HTR2C: variants seen among roughly 807,000 people sequenced by gnomAD.
HTR2C encodes 5-hydroxytryptamine (serotonin) receptor 2C, G protein-coupled.
Under a neutral mutation model 21.0 loss-of-function variants are expected in HTR2C, and 5 were observed. That is an observed-to-expected ratio of 0.24 (90% CI 0.12 to 0.50). HTR2C has a LOEUF of 0.50. Ranked by LOEUF, HTR2C falls within the 20% of genes least tolerant of loss-of-function variation. The probability of loss-of-function intolerance (pLI) is 0.98; values close to 1 mark genes in which losing one functional copy is unlikely to be tolerated. For missense variants in HTR2C, 271 were observed against 371.2 expected (o/e 0.73, Z 2.22); for synonymous variants, 150 against 145.3 (o/e 1.03, Z -0.23).
chrX:114,869,848 G>C (rs1300106261), intron 5 of HTR2C, among the ~76,000 whole-genome samples: 2 of 111,392 alleles, frequency 1.8e-5, no homozygotes, highest in African/African-American at 6.5e-5. Context: ...TCTATCCCCA[G>C]TTTTTGAGGG....
At chrX:114,776,307 C>T in intron 4 of HTR2C, 5 of 673,346 alleles carry the variant, frequency 7.4e-6, no homozygotes, top group Non-Finnish European at 1.2e-5. Flanking sequence ...TCTTTGGTAG[C>T]CTGATGCTGA....
intron 2 of HTR2C, among the ~76,000 whole-genome samples, chrX:114,647,124 A>G (rs1930391703): frequency 9.0e-6 from 1 of 111,312 alleles, no homozygotes; most frequent in Non-Finnish European, 1.9e-5. Context: ...CGAAGAGTAA[A>G]AAGTTTCACC....
In HTR2C at chrX:114,764,678, G is replaced by A. The variant is rs782548458; in HGVS notation, c.349+33071G>A. Among the ~76,000 whole-genome samples the A allele has an allele frequency of 6.3e-5, 7 of 111,362 alleles. No individual in the cohort carries two copies. The East Asian group carries it at 2.0e-3, about 32-fold the overall frequency. On this transcript the variant is annotated intron_variant, in intron 4 of 5. Coordinates refer to ENST00000276198, the MANE Select transcript of HTR2C (RefSeq NM_000868.4). ...ACATAAAGAAAACAATGCACCAAAAGTTTAAATGCTATCAGTATTCTACTG... is the reference window on the plus strand; with the variant it reads ...ACATAAAGAAAACAATGCACCAAAAATTTAAATGCTATCAGTATTCTACTG...
At chrX:114,682,319 T>C (rs972915179) in intron 2 of HTR2C, among the ~76,000 whole-genome samples, 1 of 111,352 alleles carries the variant, frequency 9.0e-6, no homozygotes, top group African/African-American at 3.3e-5. Context: ...AAATTTGCCA[T>C]CTTCTGACAA....
intron 1 of HTR2C, among the ~76,000 whole-genome samples, chrX:114,598,688 C>T (rs186657177): frequency 9.0e-6 from 1 of 111,166 alleles, no homozygotes; most frequent in Admixed American, 9.6e-5. Flanking sequence ...GCCAAAAAGT[C>T]ATCCATTTTA....
chrX:114,849,061 G>T (rs2147489962), intron 5 of HTR2C, among the ~76,000 whole-genome samples: 1 of 111,355 alleles, frequency 9.0e-6, no homozygotes, highest in African/African-American at 3.3e-5. Flanking sequence ...TTGACTCTGG[G>T]TTTATTGATC....
chrX:114,722,565 G>A (rs1933264661), intron 2 of HTR2C, among the ~76,000 whole-genome samples: 1 of 109,906 alleles, frequency 9.1e-6, no homozygotes, highest in Non-Finnish European at 1.9e-5. Context: ...AATAGGAGTG[G>A]TGAGAGAGGG....
intron 4 of HTR2C, among the ~76,000 whole-genome samples, chrX:114,771,538 G>A (rs953065635): frequency 9.6e-6 from 1 of 103,945 alleles, no homozygotes; most frequent in African/African-American, 3.5e-5. Context: ...CTTCCTGCTC[G>A]AGTCCAGCAT....
At chrX:114,701,246 C>A (rs995797894) in intron 2 of HTR2C, among the ~76,000 whole-genome samples, 2 of 112,069 alleles carry the variant, frequency 1.8e-5, no homozygotes, top group South Asian at 3.7e-4. Flanking sequence ...TGAGAACGGG[C>A]AGACTGCCTC....
chrX:114,784,214 A>G (rs12850181), intron 4 of HTR2C, among the ~76,000 whole-genome samples: 4 of 111,170 alleles, frequency 3.6e-5, no homozygotes, highest in African/African-American at 1.3e-4. Context: ...GAAGGCAAAA[A>G]CAGTGAATAT....
intron 4 of HTR2C, among the ~76,000 whole-genome samples, chrX:114,800,459 T>C (rs2070334677): frequency 1.8e-5 from 2 of 111,411 alleles, no homozygotes; most frequent in African/African-American, 6.5e-5. Context: ...CATCATCCTA[T>C]CTGAAGGACA....
intron 2 of HTR2C, among the ~76,000 whole-genome samples, chrX:114,688,246 G>A (rs782286986): frequency 3.8e-5 from 4 of 106,376 alleles, no homozygotes; most frequent in East Asian, 2.9e-4. Flanking sequence ...GCTTGAACCT[G>A]GGAGGCAGGG....
chrX:114,640,926 C>T lies in HTR2C; in HGVS notation c.-80+27045C>T, dbSNP rs781807200. On this transcript the variant is annotated intron_variant, in intron 2 of 5. Coordinates refer to ENST00000276198, the MANE Select transcript of HTR2C (RefSeq NM_000868.4). ...TGTCCTTCCTTCCTTCATTCTTTCC[C>T]TCCCCCTCCCTCCTTCTTTCTTTCT... 1.3e-4 allele frequency among the ~76,000 whole-genome samples: 5 copies of T among 38,698 alleles called. No homozygotes were observed. In the East Asian group the frequency reaches 0.01, roughly 81 times the overall value. 33.6% of individuals were successfully genotyped at this position (38,698 alleles called of 115,157 possible).
Position 114,716,019 on chromosome X carries a change from T to TTGGAG in HTR2C, c.-79-10837_-79-10833dup, listed in dbSNP as rs782349967. Among the ~76,000 whole-genome samples the TTGGAG allele has an allele frequency of 3.9e-3, 433 of 112,391 alleles. 3 individuals carry two copies. The highest frequency in any genetic ancestry group is 0.013 in the African/African-American group (400 of 31,043). Reference sequence around the variant, plus strand: ...TACAGCTTTTGGTCCTGCAGATCGGTTGGAGTTGGTCTCCAACACAGATAT... The same window carrying TTGGAG: ...TACAGCTTTTGGTCCTGCAGATCGGTTGGAGTGGAGTTGGTCTCCAACACAGATAT... On this transcript the variant is annotated intron_variant, in intron 2 of 5. Coordinates refer to ENST00000276198, the MANE Select transcript of HTR2C (RefSeq NM_000868.4).
intron 2 of HTR2C, among the ~76,000 whole-genome samples, chrX:114,654,196 G>C (rs896705632): frequency 9.2e-6 from 1 of 108,792 alleles, no homozygotes; most frequent in African/African-American, 3.3e-5. Context: ...ATTAGTTACT[G>C]TAACTAATTC....
intron 4 of HTR2C, among the ~76,000 whole-genome samples, chrX:114,843,275 G>A (rs1422965084): frequency 9.0e-6 from 1 of 110,848 alleles, no homozygotes; most frequent in East Asian, 2.9e-4. Flanking sequence ...ATAATTAAAG[G>A]GATAAAATTG....
chrX:114,644,362 A>AAAATAT (rs1930263284), intron 2 of HTR2C, among the ~76,000 whole-genome samples: 1 of 38,244 alleles, frequency 2.6e-5, no homozygotes, highest in Non-Finnish European at 4.3e-5. Flanking sequence ...TAAATAAATA[A>AAAATAT]ATATATATAT....
At chrX:114,645,693 G>A (rs782002487) in intron 2 of HTR2C, among the ~76,000 whole-genome samples, 75 of 111,527 alleles carry the variant, frequency 6.7e-4, no homozygotes, top group African/African-American at 2.4e-3. Context: ...AATGCAAAAG[G>A]CAAGTTGATA....
intron 5 of HTR2C, among the ~76,000 whole-genome samples, chrX:114,889,081 T>C (rs2071241176): frequency 8.9e-6 from 1 of 112,210 alleles, no homozygotes; most frequent in Non-Finnish European, 1.9e-5. Context: ...TATTATAATG[T>C]AGTAACTCTG....
Sources: allele counts gnomAD v4.1 joint callset (sites outside exome capture counted in the v4.1 genomes callset), GRCh38; gene constraint gnomAD v4.1.1; transcripts MANE v1.5; gene names NCBI Gene and HGNC (gene_info 2026-07-23, HGNC 2026-07-21).